ZFYVE28: variants seen among roughly 807,000 people sequenced by gnomAD.
The protein encoded by ZFYVE28 is zinc finger FYVE-type containing 28.
ZFYVE28 carries 40 observed loss-of-function variants against 82.1 expected under a neutral mutation model. The ratio of observed to expected loss-of-function variants is 0.49; its 90% CI spans 0.38 to 0.63. The LOEUF is 0.63. ZFYVE28 is among the 30% of genes least tolerant of loss of function. The pLI is 0.00. For missense variants in ZFYVE28, 1,321 were observed against 1,242.1 expected (o/e 1.06, Z -0.96); for synonymous variants, 612 against 546.1 (o/e 1.12, Z -1.68).
At chr4:2,313,248 C>CT (rs891990721) in intron 7 of ZFYVE28, among the ~76,000 whole-genome samples, 64 of 146,304 alleles carry the variant, frequency 4.4e-4, no homozygotes, top group Non-Finnish European at 6.6e-4. Context: ...GGTCCACATG[C>CT]TTTTTTTTTT....
chr4:2,407,293 G>T (rs934966796), intron 1 of ZFYVE28, among the ~76,000 whole-genome samples: 1 of 152,136 alleles, frequency 6.6e-6, no homozygotes, highest in Non-Finnish European at 1.5e-5. Flanking sequence ...GCTAAGCCCA[G>T]AACTCTACTC....
chr4:2,364,785 A>G, intron 1 of ZFYVE28: 1 of 985,504 alleles, frequency 1.0e-6, no homozygotes. Flanking sequence ...CAAGGCGCCC[A>G]CGGCCTCCGA....
intron 8 of ZFYVE28, among the ~76,000 whole-genome samples, chr4:2,291,726 G>A (rs946110066): frequency 1.2e-4 from 19 of 152,172 alleles, no homozygotes; most frequent in Non-Finnish European, 1.9e-4. Context: ...AGCCCCCCTC[G>A]GAATGGCAGC....
chr4:2,358,600 G>A (rs1725677809), intron 1 of ZFYVE28, among the ~76,000 whole-genome samples: 1 of 152,192 alleles, frequency 6.6e-6, no homozygotes, highest in African/African-American at 2.4e-5. Flanking sequence ...GGTCTCCCAT[G>A]GAGCTGAGGT....
At chr4:2,328,172 T>C (rs999620495) in intron 6 of ZFYVE28, among the ~76,000 whole-genome samples, 1 of 152,146 alleles carries the variant, frequency 6.6e-6, no homozygotes, top group African/African-American at 2.4e-5. Flanking sequence ...GTTTAACAGA[T>C]GAATAAAGAA....
chr4:2,305,860 C>CT lies in ZFYVE28; in HGVS notation c.804-325dup, dbSNP rs139974954. 2.6e-3 allele frequency among the ~76,000 whole-genome samples: 403 copies of CT among 152,346 alleles called. 20 individuals are homozygous for CT. In the East Asian group the frequency reaches 0.063, roughly 24 times the overall value. On this transcript the variant is annotated intron_variant, in intron 7 of 12. Transcript: ENST00000290974. Reference sequence around the variant, plus strand: ...TGTGTTAGCTGCATGAATAAAAACTCTAAGGAGTGAAAAAATACATGCTGG... The same window carrying CT: ...TGTGTTAGCTGCATGAATAAAAACTCTTAAGGAGTGAAAAAATACATGCTGG...
At chr4:2,334,271 G>A (rs1048923267) in intron 6 of ZFYVE28, among the ~76,000 whole-genome samples, 6 of 152,066 alleles carry the variant, frequency 3.9e-5, no homozygotes, top group South Asian at 2.1e-4. Flanking sequence ...GAGCCCTCCC[G>A]GAGGAGGTGG....
intron 7 of ZFYVE28, among the ~76,000 whole-genome samples, chr4:2,316,844 C>A (rs1473329257): frequency 6.6e-6 from 1 of 152,134 alleles, no homozygotes; most frequent in East Asian, 1.9e-4. Flanking sequence ...AGGTGCGCAC[C>A]ACCATGCCTG....
At chr4:2,411,769 G>A (rs1037655631) in intron 1 of ZFYVE28, among the ~76,000 whole-genome samples, 4 of 152,132 alleles carry the variant, frequency 2.6e-5, no homozygotes, top group African/African-American at 9.7e-5. Flanking sequence ...GTGCCTTAAC[G>A]GATAGAAGCT....
At chr4:2,365,113 T>G (rs1578264598) in intron 1 of ZFYVE28, among the ~76,000 whole-genome samples, 2 of 62,284 alleles carry the variant, frequency 3.2e-5, no homozygotes, top group Non-Finnish European at 6.2e-5. Flanking sequence ...GCGGGCAGCG[T>G]GGGGAGAGAG....
intron 7 of ZFYVE28, among the ~76,000 whole-genome samples, chr4:2,312,977 G>A (rs751898452): frequency 4.6e-5 from 7 of 151,996 alleles, no homozygotes; most frequent in Non-Finnish European, 7.3e-5. Flanking sequence ...CTCAGGAAGC[G>A]GAGGTTGCAG....
chr4:2,346,544 C>T (rs1014177639), intron 2 of ZFYVE28, among the ~76,000 whole-genome samples: 1 of 151,858 alleles, frequency 6.6e-6, no homozygotes, highest in African/African-American at 2.4e-5. Context: ...AAAAAATACC[C>T]TAACAACATA....
At chr4:2,301,768 C>T (rs935718284) in intron 8 of ZFYVE28, among the ~76,000 whole-genome samples, 14 of 152,102 alleles carry the variant, frequency 9.2e-5, no homozygotes, top group Non-Finnish European at 1.5e-4. Context: ...CGGAGAAAAA[C>T]GATCCATTGC....
chr4:2,288,625 C>T (rs1713129628), intron 8 of ZFYVE28, among the ~76,000 whole-genome samples: 1 of 152,252 alleles, frequency 6.6e-6, no homozygotes, highest in African/African-American at 2.4e-5. Flanking sequence ...GGCATCACCA[C>T]CTCTGCCATG....
At chr4:2,384,300 T>C (rs1349566339) in intron 1 of ZFYVE28, among the ~76,000 whole-genome samples, 4 of 152,240 alleles carry the variant, frequency 2.6e-5, no homozygotes, top group South Asian at 4.2e-4. Flanking sequence ...ACTGGTTTTG[T>C]AGGAAAGTGT....
intron 2 of ZFYVE28, among the ~76,000 whole-genome samples, chr4:2,351,857 A>T (rs1724509176): frequency 6.6e-6 from 1 of 152,246 alleles, no homozygotes; most frequent in Non-Finnish European, 1.5e-5. Flanking sequence ...AGTGGCTCGC[A>T]GAACTCAGGG....
chr4:2,352,086 C>T (rs1724550146), intron 2 of ZFYVE28, among the ~76,000 whole-genome samples: 1 of 152,112 alleles, frequency 6.6e-6, no homozygotes, highest in South Asian at 2.1e-4. Flanking sequence ...GTTTTGTGTC[C>T]TGAGAATACT....
Position 2,304,278 on chromosome 4 carries a change from C to A in ZFYVE28, c.2051+11G>T. 1.9e-6 allele frequency: 3 copies of A among 1,552,958 alleles called. No individual in the cohort carries two copies. In the South Asian group the frequency reaches 3.6e-5, roughly 18 times the overall value. On this transcript the variant is annotated intron_variant, in intron 8 of 12. Transcript: ENST00000290974. The stretch of plus-strand genomic sequence containing the variant: ...GGACAAACCCAGTCTCTGGGCCAGA[C>A]TGGCTCTTACCTGGAGCCCGACAGG...
At chr4:2,322,703 A>C (rs1719275361) in intron 6 of ZFYVE28, among the ~76,000 whole-genome samples, 1 of 152,204 alleles carries the variant, frequency 6.6e-6, no homozygotes, top group Non-Finnish European at 1.5e-5. Context: ...TAGTTTCAAA[A>C]GGTTTTTATC....
Sources: gnomAD v4.1 joint callset for allele counts (sites outside exome capture counted in the v4.1 genomes callset) on GRCh38, gnomAD v4.1.1 for gene constraint, MANE v1.5 for transcripts, NCBI Gene and HGNC (gene_info 2026-07-23, HGNC 2026-07-21) for gene names.